The following SCEL variants were observed in gnomAD, a reference collection of about 807,000 sequenced individuals.
The protein encoded by SCEL is sciellin.
Under a neutral mutation model 117.6 loss-of-function variants are expected in SCEL, and 113 were observed. That is an observed-to-expected ratio of 0.96 (90% CI 0.83 to 1.12). The LOEUF is 1.12. Ranked by LOEUF, SCEL falls within the 50% of genes most tolerant of loss-of-function variation. The probability of loss-of-function intolerance (pLI) is 0.00; values close to 1 mark genes in which losing one functional copy is unlikely to be tolerated. For synonymous variants in SCEL, 270 were observed against 256.2 expected (o/e 1.05, Z -0.51); for missense variants, 785 against 810.8 (o/e 0.97, Z 0.39).
intron 28 of SCEL, among the ~76,000 whole-genome samples, 191 bp from the exon 29 acceptor site, chr13:77,634,188 T>C (rs547406776): frequency 6.6e-6 from 1 of 152,326 alleles, no homozygotes; most frequent in East Asian, 1.9e-4. Context: ...ACAGTGGAAG[T>C]TAAAAACAAA....
chr13:77,540,297 T>C (rs2083635204), intron 1 of SCEL, among the ~76,000 whole-genome samples: 1 of 152,156 alleles, frequency 6.6e-6, no homozygotes, highest in African/African-American at 2.4e-5. Flanking sequence ...GTGGAGAAGA[T>C]GGGCTTGGCC....
chr13:77,545,723 A>T (rs995360701), intron 1 of SCEL, among the ~76,000 whole-genome samples: 1 of 152,212 alleles, frequency 6.6e-6, no homozygotes, highest in Admixed American at 6.5e-5. Context: ...GACATGGACA[A>T]TGGGTCCTAA....
chr13:77,581,917 T>A (rs976314679), intron 9 of SCEL, among the ~76,000 whole-genome samples: 2 of 151,316 alleles, frequency 1.3e-5, no homozygotes, highest in East Asian at 1.9e-4. Context: ...TGGAGGGGAG[T>A]GGAAGATGGC....
intron 4 of SCEL, among the ~76,000 whole-genome samples, chr13:77,562,352 G>T (rs980090790): frequency 6.6e-6 from 1 of 152,132 alleles, no homozygotes; most frequent in African/African-American, 2.4e-5. Context: ...ACACACGATG[G>T]TGAACCACAC....
chr13:77,549,010 C>T (rs2084151690), intron 1 of SCEL, among the ~76,000 whole-genome samples: 1 of 152,088 alleles, frequency 6.6e-6, no homozygotes, highest in Admixed American at 6.5e-5. Context: ...GTGAATAGTG[C>T]TGCAATAAAC....
chr13:77,570,748 G>A (rs1018805778), intron 8 of SCEL, among the ~76,000 whole-genome samples: 3 of 152,102 alleles, frequency 2.0e-5, no homozygotes, highest in African/African-American at 7.2e-5. Context: ...GTGATGTGAG[G>A]ACATCTTTCT....
Position 77,604,426 on chromosome 13 carries a change from T to G in SCEL, c.1157+11T>G, listed in dbSNP as rs760314134. The G allele has an allele frequency of 2.5e-6, 4 of 1,572,010 alleles. No individual in the cohort carries two copies. The highest frequency in any genetic ancestry group is 2.6e-6 in the Non-Finnish European group (3 of 1,165,716). Reference sequence around the variant, plus strand: ...TAAAAATATTACGAGGTAAGACATTTAAAGCTCCCCCCTCCCCTTTGTTTG... The same window carrying G: ...TAAAAATATTACGAGGTAAGACATTGAAAGCTCCCCCCTCCCCTTTGTTTG... On this transcript the variant is annotated intron_variant, in intron 19 of 32. Transcript: ENST00000349847.
At chr13:77,581,941 G>A (rs766578840) in intron 9 of SCEL, among the ~76,000 whole-genome samples, 1 of 152,176 alleles carries the variant, frequency 6.6e-6, no homozygotes, top group Non-Finnish European at 1.5e-5. Flanking sequence ...GGAGGAAGAA[G>A]ACTGGGAGGC....
At chr13:77,619,573 A>G (rs2089295664) in intron 27 of SCEL, among the ~76,000 whole-genome samples, 1 of 152,156 alleles carries the variant, frequency 6.6e-6, no homozygotes. Context: ...GATCAGATGT[A>G]TTTATTCTGG....
intron 12 of SCEL, 139 bp from the exon 13 acceptor site, chr13:77,597,406 T>C: frequency 1.8e-6 from 1 of 569,710 alleles, no homozygotes; most frequent in Non-Finnish European, 3.1e-6. Context: ...GATGCGAGCT[T>C]TGAGGATCAT....
At chr13:77,620,748 C>G (rs1346674317) in intron 27 of SCEL, among the ~76,000 whole-genome samples, 1 of 151,920 alleles carries the variant, frequency 6.6e-6, no homozygotes, top group African/African-American at 2.4e-5. Flanking sequence ...TGAAAAGCAT[C>G]TAGTGACACC....
At chr13:77,631,588 T>G (rs906052946) in intron 28 of SCEL, among the ~76,000 whole-genome samples, 2 of 152,206 alleles carry the variant, frequency 1.3e-5, no homozygotes, top group African/African-American at 4.8e-5. Flanking sequence ...ACAGGGACTT[T>G]CTGTGTCATC....
chr13:77,624,306 A>G (rs2089606097), intron 27 of SCEL, among the ~76,000 whole-genome samples: 1 of 151,692 alleles, frequency 6.6e-6, no homozygotes, highest in African/African-American at 2.4e-5. Flanking sequence ...GGGTTTCACC[A>G]TGTTGGTCAG....
intron 20 of SCEL, among the ~76,000 whole-genome samples, chr13:77,608,639 G>T (rs2088409026): frequency 6.6e-6 from 1 of 152,100 alleles, no homozygotes; most frequent in Non-Finnish European, 1.5e-5. Flanking sequence ...CTTGATAGTT[G>T]TTAGGAATGA....
At chr13:77,603,611 A>G (rs908997523) in intron 18 of SCEL, among the ~76,000 whole-genome samples, 2 of 152,138 alleles carry the variant, frequency 1.3e-5, no homozygotes, top group Admixed American at 6.5e-5. Flanking sequence ...CTGTGTTGAC[A>G]TGGCAGTGGC....
intron 28 of SCEL, among the ~76,000 whole-genome samples, chr13:77,629,639 A>G (rs2089937806): frequency 6.6e-6 from 1 of 152,178 alleles, no homozygotes; most frequent in Non-Finnish European, 1.5e-5. Flanking sequence ...TTGCTGAAAA[A>G]TCAACTCCCA....
At chr13:77,636,769 T>G (rs1458530180) in intron 29 of SCEL, among the ~76,000 whole-genome samples, 1 of 152,204 alleles carries the variant, frequency 6.6e-6, no homozygotes, top group African/African-American at 2.4e-5. Flanking sequence ...CTTGCCCTGT[T>G]TGTGCTTTGT....
chr13:77,578,371 G>A (rs61543251), intron 9 of SCEL, among the ~76,000 whole-genome samples: 1,770 of 152,150 alleles, frequency 0.012, 36 homozygotes, highest in African/African-American at 0.04. Flanking sequence ...GCAGGGATCA[G>A]AGAAAGGGCT....
At chr13:77,580,138 GT>G (rs1176323676) in intron 9 of SCEL, among the ~76,000 whole-genome samples, 1 of 152,210 alleles carries the variant, frequency 6.6e-6, no homozygotes, top group Admixed American at 6.5e-5. Context: ...AAGAGTTAAT[GT>G]TGTGCTGTTA....
Sources: allele counts gnomAD v4.1 joint callset (sites outside exome capture counted in the v4.1 genomes callset), GRCh38; gene constraint gnomAD v4.1.1; transcripts MANE v1.5; gene names NCBI Gene and HGNC (gene_info 2026-07-23, HGNC 2026-07-21).